Variants in INTS3 observed in about 807,000 individuals in gnomAD.
INTS3 encodes the protein SOSS complex subunit A.
A neutral mutation model predicts 146.3 loss-of-function variants in INTS3; 34 were observed. The ratio of observed to expected loss-of-function variants is 0.23; its 90% CI spans 0.18 to 0.31. The LOEUF is 0.31. INTS3 is among the 10% of genes least tolerant of loss of function. The pLI, the probability that INTS3 is intolerant of heterozygous loss-of-function variation, is 1.00. For missense variants in INTS3, 757 were observed against 1,304.2 expected, an observed-to-expected ratio of 0.58 and a Z score of 6.46; for synonymous variants, 475 against 494.9, an observed-to-expected ratio of 0.96 and a Z score of 0.53.
rs551992243 is a variant in INTS3 at position 153,757,203 on chromosome 1, C to T, written c.958-369C>T. 6.6e-6 allele frequency among the ~76,000 whole-genome samples: 1 copy of T among 152,292 alleles called. No homozygotes were observed. Among genetic ancestry groups the T allele is most frequent in the East Asian group, 1.9e-4 (1 of 5,184 alleles). On this transcript the variant is annotated intron_variant, in intron 9 of 29. Coordinates refer to ENST00000318967, the MANE Select transcript of INTS3 (RefSeq NM_023015.5). The surrounding 1 kb of genome is among the most constrained non-coding windows in gnomAD (Gnocchi z 4.0). ...TCTTACTCTTGAAGAACATTTCTTG[C>T]TGTTCACCAGTGGCTCAAGAAAATG...
Position 153,728,086 on chromosome 1 carries a change from C to T in INTS3, c.-549C>T, listed in dbSNP as rs1670913484. 2 of 186,638 alleles carry T rather than the reference C, an allele frequency of 1.1e-5. No individual in the cohort carries two copies. 11.6% of individuals were successfully genotyped at this position (186,638 alleles called of 1,614,324 possible). A position where few individuals can be genotyped will look rare whatever the true frequency, so the allele number is the denominator to read the frequency against. ...CCCCGCCCTTCCACTATGGCCGCTTCTGTGTGGTGTGGGGAGACGCTGGTC... is the reference window on the plus strand; with the variant it reads ...CCCCGCCCTTCCACTATGGCCGCTTTTGTGTGGTGTGGGGAGACGCTGGTC... On this transcript the variant is annotated 5_prime_UTR_variant, in exon 1 of 30. Transcript: ENST00000318967.
intron 14 of INTS3, among the ~76,000 whole-genome samples, 180 bp downstream of exon 14, chr1:153,761,856 C>G (rs1034369260): frequency 6.6e-6 from 1 of 152,232 alleles, no homozygotes; most frequent in Non-Finnish European, 1.5e-5. Flanking sequence ...TGTCTTGATT[C>G]TCTTGCTTTA....
At chr1:153,769,061 C>G in intron 22 of INTS3, 100 bp downstream of exon 22, 1 of 933,736 alleles carries the variant, frequency 1.1e-6, no homozygotes, top group Non-Finnish European at 1.7e-6. Flanking sequence ...GGAGCCCATG[C>G]CTCCCAGGCA....
chr1:153,735,445 T>C (rs1222025534), intron 1 of INTS3, among the ~76,000 whole-genome samples: 2 of 152,150 alleles, frequency 1.3e-5, no homozygotes, highest in Non-Finnish European at 2.9e-5. Flanking sequence ...GGAGGGTTCT[T>C]TCTATGTTAT....
Position 153,774,003 on chromosome 1 carries a change from T to G in INTS3, c.*733T>G, listed in dbSNP as rs1408774348. 6.0e-6 allele frequency: 1 copy of G among 165,712 alleles called. No homozygotes were observed. Among genetic ancestry groups the G allele is most frequent in the Non-Finnish European group, 1.5e-5 (1 of 68,058 alleles). The allele number at this position is 165,712 out of a possible 1,614,324, so 10.3% of individuals were successfully genotyped here. Reference sequence around the variant, plus strand: ...TTGAGTCTGTTTTTTTTTTTGTTTTTTTTTGTTTTTTTTTTGGCAGAGATA... The same window carrying G: ...TTGAGTCTGTTTTTTTTTTTGTTTTGTTTTGTTTTTTTTTTGGCAGAGATA... On this transcript the variant is annotated 3_prime_UTR_variant, in exon 30 of 30. Transcript: ENST00000318967.
intron 25 of INTS3, 27 bp downstream of exon 25, chr1:153,770,760 G>A: frequency 6.3e-7 from 1 of 1,582,580 alleles, no homozygotes; most frequent in Non-Finnish European, 8.7e-7. Context: ...GGGCTCTTTA[G>A]CCCTCAATTT....
At chr1:153,763,212 T>C in intron 15 of INTS3, 21 bp from the exon 16 acceptor site, 1 of 1,614,160 alleles carries the variant, frequency 6.2e-7, no homozygotes, top group Non-Finnish European at 8.5e-7. Flanking sequence ...ACTGACTTCT[T>C]TCCCAAATCA....
chr1:153,743,106 T>C (rs1289697598), intron 3 of INTS3, among the ~76,000 whole-genome samples: 1 of 152,214 alleles, frequency 6.6e-6, no homozygotes, highest in Non-Finnish European at 1.5e-5. Context: ...TAGTGACGTA[T>C]CTCCCTAGAG....
chr1:153,771,224 G>A (rs1672847398), intron 25 of INTS3, among the ~76,000 whole-genome samples: 1 of 152,226 alleles, frequency 6.6e-6, no homozygotes, highest in Non-Finnish European at 1.5e-5. Flanking sequence ...TTCCCGCAAA[G>A]CCCTTTAGCA....
At position 153,760,933 on chromosome 1, in the gene INTS3, G is replaced by A; in HGVS notation, c.1409+15G>A. ...CGGGTCTTGGCGTAAGGAATTTGGT[G>A]GGGGAAGGAGGTTGTTTTCCCATTT... On this transcript the variant is annotated intron_variant, in intron 13 of 29. Transcript: ENST00000318967. The A allele has an allele frequency of 6.2e-7, 1 of 1,608,700 alleles. No homozygotes were observed. The highest frequency in any genetic ancestry group is 8.5e-7 in the Non-Finnish European group (1 of 1,175,100).
At position 153,772,064 on chromosome 1, in the gene INTS3, G is replaced by A; in HGVS notation, c.2720+101G>A. The A allele has an allele frequency of 7.8e-7, 1 of 1,280,678 alleles. No individual in the cohort carries two copies. Among genetic ancestry groups the A allele is most frequent in the Non-Finnish European group, 1.1e-6 (1 of 931,106 alleles). The allele number at this position is 1,280,678 out of a possible 1,614,324, so 79.3% of individuals were successfully genotyped here. ...GGTGGTGGTGGTGATGGGGGTCAGT[G>A]CTGTCCCAGCCTGGTTTGTGGGCGA... On this transcript the variant is annotated intron_variant, in intron 26 of 29. Transcript: ENST00000318967. This position sits in a 1 kb window ranked among gnomAD's most constrained non-coding sequence, Gnocchi z 4.6.
intron 1 of INTS3, among the ~76,000 whole-genome samples, chr1:153,733,691 G>A (rs868328508): frequency 5.3e-5 from 8 of 151,380 alleles, no homozygotes; most frequent in Admixed American, 1.3e-4. Context: ...TGCAACCTTC[G>A]CCTCCCGGGT....
chr1:153,742,244 A>G (rs1169705112), intron 3 of INTS3, among the ~76,000 whole-genome samples: 1 of 152,228 alleles, frequency 6.6e-6, no homozygotes, highest in Non-Finnish European at 1.5e-5. Context: ...TTGGTTTCCC[A>G]GGAAAGCCAA....
chr1:153,745,947 T>G (rs1296281046), intron 3 of INTS3, among the ~76,000 whole-genome samples: 1 of 152,090 alleles, frequency 6.6e-6, no homozygotes, highest in Non-Finnish European at 1.5e-5. Flanking sequence ...GAAAAAACTG[T>G]TTTAAAAATT....
intron 12 of INTS3, 58 bp downstream of exon 12, chr1:153,760,448 T>G (rs1672341277): frequency 2.2e-6 from 3 of 1,377,254 alleles, no homozygotes; most frequent in Non-Finnish European, 3.1e-6. Context: ...TCAGTGTATC[T>G]CCCCTAATCT....
chr1:153,745,605 G>A (rs2101795632), intron 3 of INTS3, among the ~76,000 whole-genome samples: 1 of 150,794 alleles, frequency 6.6e-6, no homozygotes, highest in South Asian at 2.1e-4. Flanking sequence ...TGCTAATGAG[G>A]CCCCCTAAGG....
intron 15 of INTS3, 31 bp downstream of exon 15, chr1:153,762,878 T>C: frequency 6.8e-6 from 11 of 1,612,564 alleles, no homozygotes; most frequent in South Asian, 1.1e-5. Context: ...TAGTTCAGGG[T>C]TGTGTCAGCC....
chr1:153,735,441 TTC>T, intron 1 of INTS3, among the ~76,000 whole-genome samples: 1 of 152,176 alleles, frequency 6.6e-6, no homozygotes. Context: ...GTGTGGAGGG[TTC>T]TTTCTATGTT....
chr1:153,771,821 G>A lies in INTS3; in HGVS notation c.2578G>A (p.Val860Met), dbSNP rs1672887256. Residue 860 changes from valine (V) to methionine (M), a missense_variant, in exon 26 of 30, where the codon GTG (valine) becomes ATG (methionine). Coordinates refer to ENST00000318967, the MANE Select transcript of INTS3 (RefSeq NM_023015.5). Reference sequence around the variant, plus strand: ...GCCCAGCGAGGAGATGGTGAAGATGGTGCTGAGCCGGCCCTGCCATCCTGA... The same window carrying A: ...GCCCAGCGAGGAGATGGTGAAGATGATGCTGAGCCGGCCCTGCCATCCTGA... ...EKPSEEMVKM[V>M]LSRPCHPDDQ... The A allele has an allele frequency of 6.2e-7, 1 of 1,613,852 alleles. No homozygotes were observed. Among genetic ancestry groups the A allele is most frequent in the Non-Finnish European group, 8.5e-7 (1 of 1,179,882 alleles).
Sources: allele counts gnomAD v4.1 joint callset (sites outside exome capture counted in the v4.1 genomes callset), GRCh38; gene constraint gnomAD v4.1.1; non-coding constraint Gnocchi (gnomAD v3.1); transcripts MANE v1.5; gene names NCBI Gene and HGNC (gene_info 2026-07-23, HGNC 2026-07-21).